DNHD1: variants seen among roughly 807,000 people sequenced by gnomAD.
DNHD1 encodes dynein heavy chain domain-containing protein 1.
A neutral mutation model predicts 458.1 loss-of-function variants in DNHD1; 383 were observed. The ratio of observed to expected loss-of-function variants is 0.84; its 90% CI spans 0.77 to 0.91. The LOEUF is 0.91. DNHD1 is among the 40% of genes least tolerant of loss of function. DNHD1 has a pLI of 0.00. For missense variants in DNHD1, 5,336 were observed against 5,866.1 expected (o/e 0.91, Z 2.95); for synonymous variants, 2,203 against 2,376.9 (o/e 0.93, Z 2.13).
chr11:6,553,275 A>G (rs1853399756), intron 24 of DNHD1, among the ~76,000 whole-genome samples: 2 of 152,250 alleles, frequency 1.3e-5, no homozygotes, highest in Non-Finnish European at 2.9e-5. Context: ...ATATTAGTAG[A>G]TAAAAATCAC....
chr11:6,519,986 C>A lies in DNHD1; in HGVS notation c.1669C>A (p.Leu557Ile). ...ACAGGCCCCAAGGCAGAAACCCTTT[C>A]TCTCATCACAGCTGGTCTTTGATGA... ...ILQAPRQKPF[L>I]SSQLVFDDHG... The change falls in exon 9 of 43, where the codon CTC becomes ATC. Residue 557 changes from leucine (L) to isoleucine (I), a missense_variant. This residue lies in a region of DNHD1 where 3,932 missense variants were observed against 4,365.6 expected (regional missense o/e 0.90). Transcript: ENST00000254579. The A allele has an allele frequency of 6.2e-7, 1 of 1,614,192 alleles. No homozygotes were observed. Among genetic ancestry groups the A allele is most frequent in the Non-Finnish European group, 8.5e-7 (1 of 1,180,024 alleles).
chr11:6,533,535 A>C, intron 13 of DNHD1, 146 bp from the exon 14 acceptor site: 5 of 1,037,100 alleles, frequency 4.8e-6, no homozygotes, highest in Non-Finnish European at 6.8e-6. Flanking sequence ...ATCCCTCAGG[A>C]GAGATTGCCC....
chr11:6,501,727 G>A lies in DNHD1; in HGVS notation c.747-1026G>A, dbSNP rs1385596652. ...TGTGTGAAGACATCAGGCAGAATGA[G>A]CCCACAGCTGATTGGACACCAGGAA... On this transcript the variant is annotated intron_variant, in intron 3 of 42. Transcript: ENST00000254579. Among the ~76,000 whole-genome samples the A allele has an allele frequency of 2.0e-5, 3 of 152,146 alleles. No individual in the cohort carries two copies. The South Asian group carries it at 6.2e-4, about 32-fold the overall frequency.
chr11:6,512,200 TC>T (rs1364407847), intron 7 of DNHD1, among the ~76,000 whole-genome samples: 1 of 141,660 alleles, frequency 7.1e-6, no homozygotes, highest in Non-Finnish European at 1.5e-5. Context: ...GAATTTCTTT[TC>T]TTTTTCTTTC....
rs1323366088 is a variant in DNHD1 at position 6,558,063 on chromosome 11, T to C, written c.8768T>C (p.Ile2923Thr). The stretch of plus-strand genomic sequence containing the variant: ...CTACCATCTGGGTCAGAGGAGGCCA[T>C]TCTCCAATGTCTACGAGATGCCAGC... ...FHLPSGSEEAILQCLRDASWH... is the reference protein window; with the variant it reads ...FHLPSGSEEATLQCLRDASWH... The change falls in exon 25 of 43, where the codon ATT (isoleucine) becomes ACT (threonine). Residue 2923 changes from isoleucine to threonine, a missense_variant. By Grantham distance (89) the Ile-to-Thr change is moderately conservative (BLOSUM62 -1). This residue lies in a region of DNHD1 where 3,932 missense variants were observed against 4,365.6 expected (regional missense o/e 0.90). Coordinates refer to ENST00000254579, the MANE Select transcript of DNHD1 (RefSeq NM_144666.3). 6.4e-7 allele frequency: 1 copy of C among 1,551,584 alleles called. No individual in the cohort carries two copies. Among genetic ancestry groups the C allele is most frequent in the Non-Finnish European group, 8.7e-7 (1 of 1,146,988 alleles).
At chr11:6,560,376 G>A (rs1255630728) in intron 28 of DNHD1, among the ~76,000 whole-genome samples, 1 of 152,134 alleles carries the variant, frequency 6.6e-6, no homozygotes. Flanking sequence ...TACATAAATG[G>A]TATCCCCTGG....
At chr11:6,539,737 C>G in intron 17 of DNHD1, 139 bp from the exon 18 acceptor site, 3 of 760,602 alleles carry the variant, frequency 3.9e-6, no homozygotes, top group Non-Finnish European at 6.5e-6. Flanking sequence ...TGGTCCCACT[C>G]TCGCTTCATC....
chr11:6,538,062 G>A (rs1316509535), intron 14 of DNHD1, among the ~76,000 whole-genome samples: 1 of 152,210 alleles, frequency 6.6e-6, no homozygotes, highest in Admixed American at 6.5e-5. Flanking sequence ...GCAGGAGGGT[G>A]CATATCTGGT....
chr11:6,544,362 C>A, intron 19 of DNHD1, 116 bp downstream of exon 19: 1 of 1,249,506 alleles, frequency 8.0e-7, no homozygotes, highest in Admixed American at 2.3e-5. Flanking sequence ...ACAGTGAGGA[C>A]CTCCTTCAGG....
intron 4 of DNHD1, 58 bp from the exon 5 acceptor site, chr11:6,508,822 C>A (rs1852276544): frequency 1.3e-6 from 2 of 1,558,252 alleles, no homozygotes; most frequent in Non-Finnish European, 1.8e-6. Flanking sequence ...CTCCTTTGGT[C>A]TCTTAAAGTC....
chr11:6,528,404 GGTGTGTGTGT>G (rs55919773), intron 10 of DNHD1, 108 bp from the exon 11 acceptor site: 47 of 881,206 alleles, frequency 5.3e-5, no homozygotes, highest in East Asian at 4.4e-4. Context: ...GCAGCGAATG[GGTGTGTGTGT>G]GTGTGTGTGT....
At chr11:6,551,744 C>T (rs551959475) in intron 24 of DNHD1, among the ~76,000 whole-genome samples, 119 of 152,248 alleles carry the variant, frequency 7.8e-4, no homozygotes, top group East Asian at 1.5e-3. Context: ...AGATGGAGAC[C>T]ATCCTGGCCA....
Position 6,557,833 on chromosome 11 carries a change from G to A in DNHD1, c.8538G>A (p.Glu2846=). 6.4e-7 allele frequency: 1 copy of A among 1,551,218 alleles called. No homozygotes were observed. The stretch of plus-strand genomic sequence containing the variant: ...TGGAACGACAGTGGGAGAAGCTAGA[G>A]GAGCAGTTGGCCACCTCAGCTGCTC... ...LYLERQWEKL[E]EQLATSAAQL... The change falls in exon 25 of 43, where the codon GAG becomes GAA. Residue 2846 remains glutamate (E), a synonymous_variant. Transcript: ENST00000254579.
chr11:6,568,298 CT>C (rs537840079), intron 37 of DNHD1, 56 bp downstream of exon 37: 85 of 1,525,654 alleles, frequency 5.6e-5, no homozygotes, highest in Admixed American at 1.4e-4. Context: ...TGGGCCTTAG[CT>C]TGAAATCTCA....
At chr11:6,512,105 T>C (rs1266793245) in intron 7 of DNHD1, among the ~76,000 whole-genome samples, 3 of 152,188 alleles carry the variant, frequency 2.0e-5, no homozygotes, top group Non-Finnish European at 4.4e-5. Context: ...GGTTTTGGGT[T>C]CTACATGTTG....
chr11:6,528,656 G>A lies in DNHD1; in HGVS notation c.1972G>A (p.Gly658Ser), dbSNP rs553994695. ...GCCCTGGAAGTCTCACCCAATTGCT[G>A]GTATCTTGGAGGTCCGTGGATGTCG... ...VWPWKSHPIA[G>S]ILEVRGCRLR... Residue 658 changes from glycine to serine, a missense_variant, in exon 11 of 43, where the codon GGT (glycine) becomes AGT (serine). Around this residue, in one of 4 missense-constraint regions of DNHD1, gnomAD observed 3,932 missense variants for 4,365.6 expected, o/e 0.90. Transcript: ENST00000254579. 6.4e-7 allele frequency: 1 copy of A among 1,551,586 alleles called. No individual in the cohort carries two copies. The highest frequency in any genetic ancestry group is 8.7e-7 in the Non-Finnish European group (1 of 1,147,008).
At chr11:6,537,349 C>T (rs559354400) in intron 14 of DNHD1, among the ~76,000 whole-genome samples, 7 of 152,216 alleles carry the variant, frequency 4.6e-5, no homozygotes, top group Admixed American at 1.3e-4. Context: ...ACAGTTCATT[C>T]GCTCATTCAT....
In DNHD1 at chr11:6,538,437, A is replaced by C; in HGVS notation, c.3053A>C (p.Gln1018Pro). The stretch of plus-strand genomic sequence containing the variant: ...TGTGGGACACGTCCTATTGTGCAGC[A>C]GCAGCGCATATGGCACCTGTACCGA... ...PICGTRPIVQQQRIWHLYRVI... is the reference protein window; with the variant it reads ...PICGTRPIVQPQRIWHLYRVI... The change falls in exon 15 of 43, where the codon CAG becomes CCG. Residue 1018 changes from glutamine (Q) to proline (P), a missense_variant. Transcript: ENST00000254579. The C allele has an allele frequency of 6.4e-7, 1 of 1,551,784 alleles. No individual in the cohort carries two copies. Among genetic ancestry groups the C allele is most frequent in the South Asian group, 1.2e-5 (1 of 84,068 alleles).
intron 4 of DNHD1, chr11:6,503,786 G>A (rs574800612): frequency 4.6e-5 from 7 of 152,100 alleles, no homozygotes; most frequent in African/African-American, 1.7e-4. Context: ...TCAAATCCTC[G>A]CCTATTTTAA....
Sources: gnomAD v4.1 joint callset for allele counts (sites outside exome capture counted in the v4.1 genomes callset) on GRCh38, gnomAD v4.1.1 for gene constraint, gnomAD v4.1.1 regional missense constraint, MANE v1.5 for transcripts, NCBI Gene and HGNC (gene_info 2026-07-23, HGNC 2026-07-21) for gene names.